OSER1: variants seen among roughly 807,000 people sequenced by gnomAD.
OSER1 encodes the protein oxidative stress responsive serine rich 1.
In OSER1, 15 loss-of-function variants were observed where a neutral mutation model predicts 26.3. That is an observed-to-expected ratio of 0.57 (90% confidence interval 0.38 to 0.88). OSER1 has a LOEUF of 0.88. OSER1 is among the 40% of genes least tolerant of loss of function. OSER1 has a pLI of 0.00. For synonymous variants in OSER1, 127 were observed against 128.2 expected (o/e 0.99, Z 0.07); for missense variants, 313 against 353.9 (o/e 0.88, Z 0.93).
At chr20:44,199,801 A>G (rs1417703713) in intron 3 of OSER1, among the ~76,000 whole-genome samples, 1 of 152,214 alleles carries the variant, frequency 6.6e-6, no homozygotes, top group Non-Finnish European at 1.5e-5. Context: ...GCTCTGACTG[A>G]TGGCAAATGG....
intron 1 of OSER1, among the ~76,000 whole-genome samples, chr20:44,209,828 G>A (rs2073079572): frequency 6.6e-6 from 1 of 152,090 alleles, no homozygotes; most frequent in Non-Finnish European, 1.5e-5. Context: ...CCCCTGAGAA[G>A]ACCTAAGAAC....
At chr20:44,205,155 A>G (rs574051564) in intron 2 of OSER1, among the ~76,000 whole-genome samples, 2 of 152,314 alleles carry the variant, frequency 1.3e-5, no homozygotes, top group African/African-American at 4.8e-5. Flanking sequence ...TTACATTTCA[A>G]CTTCTTAAAA....
At chr20:44,198,161 G>A (rs547423072) in intron 3 of OSER1, among the ~76,000 whole-genome samples, 87 of 152,220 alleles carry the variant, frequency 5.7e-4, no homozygotes, top group Non-Finnish European at 9.3e-4. Context: ...TGAGGCTAAC[G>A]TTACAAATGA....
rs773662614 is a variant in OSER1 at position 44,197,142 on chromosome 20, A to C, written c.789T>G (p.Asp263Glu). The C allele has an allele frequency of 1.2e-6, 2 of 1,614,058 alleles. No individual in the cohort carries two copies. The highest frequency in any genetic ancestry group is 2.2e-5 in the South Asian group (2 of 91,086). Residue 263 changes from aspartate (D) to glutamate (E), a missense_variant, in exon 4 of 4, where the codon GAT (aspartate) becomes GAG (glutamate). Transcript: ENST00000255174. ...AGCCTGACAGGTCCTCAATGGTCAC[A>C]TCATCCACGAAGACTCGAGCTTGCT... is the stretch of plus-strand genomic sequence containing the variant. Reference protein sequence around the residue: ...CSEQARVFVDDVTIEDLSGYM... With the variant: ...CSEQARVFVDEVTIEDLSGYM...
chr20:44,209,742 C>T (rs1053702209), intron 1 of OSER1, among the ~76,000 whole-genome samples: 6 of 152,176 alleles, frequency 3.9e-5, no homozygotes, highest in African/African-American at 1.2e-4. Context: ...AAAATGGATG[C>T]GTCACAATCT....
intron 1 of OSER1, chr20:44,207,319 C>T (rs948097506): frequency 6.0e-6 from 1 of 166,802 alleles, no homozygotes; most frequent in Non-Finnish European, 1.3e-5. Flanking sequence ...GGTCTAGAAA[C>T]CTATGAACAA....
intron 3 of OSER1, among the ~76,000 whole-genome samples, chr20:44,199,871 G>A (rs78637024): frequency 0.02 from 3,089 of 152,296 alleles, 131 homozygotes; most frequent in African/African-American, 0.071. Context: ...ATCCCCTATG[G>A]ATAAGAGGGG....
chr20:44,206,815 G>C, intron 2 of OSER1, 66 bp downstream of exon 2: 1 of 699,870 alleles, frequency 1.4e-6, no homozygotes, highest in Non-Finnish European at 2.5e-6. Context: ...GAGCTTTTTA[G>C]GGAAAAGGGA....
At chr20:44,208,353 G>A (rs975560483) in intron 1 of OSER1, among the ~76,000 whole-genome samples, 4 of 150,164 alleles carry the variant, frequency 2.7e-5, no homozygotes, top group Non-Finnish European at 5.9e-5. Flanking sequence ...ACTTATTTGC[G>A]GAAGTTAAGG....
chr20:44,202,235 G>C (rs116728424), intron 3 of OSER1, among the ~76,000 whole-genome samples: 1 of 152,094 alleles, frequency 6.6e-6, no homozygotes, highest in African/African-American at 2.4e-5. Flanking sequence ...AATTACCCGG[G>C]CATGGTGGCG....
chr20:44,204,976 T>C (rs1387887877), intron 2 of OSER1, among the ~76,000 whole-genome samples: 2 of 152,210 alleles, frequency 1.3e-5, no homozygotes, highest in South Asian at 2.1e-4. Flanking sequence ...CAGCTGGGAC[T>C]ACAGGCACGC....
intron 3 of OSER1, 134 bp from the exon 4 acceptor site, chr20:44,197,873 A>G: frequency 1.6e-6 from 1 of 609,096 alleles, no homozygotes; most frequent in Non-Finnish European, 2.9e-6. Context: ...CAAGAGATGC[A>G]CCTTCCTCCA....
chr20:44,205,939 CAAAAA>C (rs3037684), intron 2 of OSER1, among the ~76,000 whole-genome samples: 60 of 71,702 alleles, frequency 8.4e-4, no homozygotes, highest in African/African-American at 3.3e-3. Context: ...GAATCCGTCT[CAAAAA>C]AAAAAAAAAA....
chr20:44,197,302 T>A lies in OSER1; in HGVS notation c.629A>T (p.His210Leu). 6.2e-7 allele frequency: 1 copy of A among 1,614,120 alleles called. No homozygotes were observed. The highest frequency in any genetic ancestry group is 8.5e-7 in the Non-Finnish European group (1 of 1,179,922). ...IGKECQCKRW[H>L]DMEVYSFSGL... ...TGAAAAGGAATACACTTCCATATCA[T>A]GCCATCTCTTACACTGGCATTCCTT... Residue 210 changes from histidine (H) to leucine (L), a missense_variant, in exon 4 of 4, where the codon CAT becomes CTT. Physicochemically the swap from His to Leu is moderately conservative, Grantham distance 99. Coordinates refer to ENST00000255174, the MANE Select transcript of OSER1 (RefSeq NM_016470.8).
chr20:44,210,556 A>C (rs2073093736), intron 1 of OSER1, 140 bp downstream of exon 1: 1 of 152,458 alleles, frequency 6.6e-6, no homozygotes, highest in Non-Finnish European at 1.5e-5. Flanking sequence ...GGAGAGGCCC[A>C]GGCCCGGCCC....
chr20:44,207,603 T>C (rs2073050596), intron 1 of OSER1: 1 of 152,242 alleles, frequency 6.6e-6, no homozygotes, highest in African/African-American at 2.4e-5. Flanking sequence ...CCTGGAATAG[T>C]GTAATTAATT....
At chr20:44,204,167 C>A (rs1423460678) in intron 2 of OSER1, among the ~76,000 whole-genome samples, 1 of 152,104 alleles carries the variant, frequency 6.6e-6, no homozygotes, top group Non-Finnish European at 1.5e-5. Context: ...ATGTTACAAT[C>A]AGATAAATAG....
At chr20:44,202,307 G>C (rs566769966) in intron 3 of OSER1, among the ~76,000 whole-genome samples, 3 of 152,122 alleles carry the variant, frequency 2.0e-5, no homozygotes. Flanking sequence ...CCGGGGAGGC[G>C]GAGGGTGCAG....
upstream of OSER1, chr20:44,211,000 T>A (rs2073101775): frequency 6.6e-6 from 1 of 152,324 alleles, no homozygotes; most frequent in Non-Finnish European, 1.5e-5. Context: ...CTGTTATTCT[T>A]CGGTTTGCCT....
Sources: gnomAD v4.1 joint callset for allele counts (sites outside exome capture counted in the v4.1 genomes callset) on GRCh38, gnomAD v4.1.1 for gene constraint, MANE v1.5 for transcripts, NCBI Gene and HGNC (gene_info 2026-07-23, HGNC 2026-07-21) for gene names.